TENM4: variants seen among roughly 807,000 people sequenced by gnomAD.
TENM4 encodes the protein teneurin transmembrane protein 4.
TENM4 carries 82 observed loss-of-function variants against 243.3 expected under a neutral mutation model. The ratio of observed to expected loss-of-function variants is 0.34; its 90% CI spans 0.28 to 0.40. The LOEUF (loss-of-function observed/expected upper bound fraction) is 0.40, where lower values mean the gene tolerates loss of function less well. TENM4 is among the 10% of genes least tolerant of loss of function. The probability of loss-of-function intolerance (pLI) is 1.00; values close to 1 mark genes in which losing one functional copy is unlikely to be tolerated. For missense variants in TENM4, 3,138 were observed against 3,673.3 expected, an observed-to-expected ratio of 0.85 and a Z score of 3.77; for synonymous variants, 1,412 against 1,456.3, an observed-to-expected ratio of 0.97 and a Z score of 0.69.
chr11:78,770,555 C>A (rs1856625469), intron 18 of TENM4, among the ~76,000 whole-genome samples: 2 of 152,220 alleles, frequency 1.3e-5, no homozygotes, highest in Non-Finnish European at 2.9e-5. Context: ...CCTCCAGAAT[C>A]AGAGGAGAAG....
intron 2 of TENM4, among the ~76,000 whole-genome samples, chr11:79,294,446 G>A (rs1288551816): frequency 2.0e-5 from 3 of 152,190 alleles, no homozygotes; most frequent in East Asian, 3.8e-4. Flanking sequence ...AATGCAGGCT[G>A]GTTTTTAGCC....
chr11:79,116,074 C>T (rs1444084159), intron 4 of TENM4, among the ~76,000 whole-genome samples: 1 of 152,186 alleles, frequency 6.6e-6, no homozygotes, highest in Non-Finnish European at 1.5e-5. Context: ...TCCTGTGAGA[C>T]TGAAGCACAA....
rs1349031303 is a variant in TENM4 at position 79,098,216 on chromosome 11, CCCCCA to C, written c.-65-28212_-65-28208del. Among the ~76,000 whole-genome samples the C allele has an allele frequency of 3.1e-3, 324 of 102,910 alleles. 1 individual carries two copies. The highest frequency in any genetic ancestry group is 0.013 in the African/African-American group (305 of 23,410). 67.5% of individuals were successfully genotyped at this position (102,910 alleles called of 152,430 possible). ...CCCTGCATGCGGGTCTCTTGTGTCT[CCCCCA>C]CCCCCCCCCATCTCCCAGCTCAGTG... is the stretch of plus-strand genomic sequence containing the variant. On this transcript the variant is annotated intron_variant, in intron 4 of 33. Coordinates refer to ENST00000278550, the MANE Select transcript of TENM4 (RefSeq NM_001098816.3).
At chr11:78,891,674 T>C (rs1323037539) in intron 7 of TENM4, among the ~76,000 whole-genome samples, 1 of 152,190 alleles carries the variant, frequency 6.6e-6, no homozygotes, top group Non-Finnish European at 1.5e-5. Context: ...AGGAAGGCAA[T>C]GTAATCCTCA....
chr11:79,271,155 C>T (rs144446010), intron 2 of TENM4, among the ~76,000 whole-genome samples: 3 of 152,140 alleles, frequency 2.0e-5, no homozygotes, highest in African/African-American at 7.2e-5. Flanking sequence ...CCTTTCTGAC[C>T]CCAGTGAAGA....
chr11:79,342,351 C>T (rs568380071), intron 1 of TENM4, among the ~76,000 whole-genome samples: 7 of 152,148 alleles, frequency 4.6e-5, no homozygotes, highest in South Asian at 2.1e-4. Context: ...AGCAGAGGCA[C>T]GGAAGAGATA....
intron 3 of TENM4, among the ~76,000 whole-genome samples, chr11:79,177,318 C>T (rs1181998796): frequency 1.3e-5 from 2 of 152,084 alleles, no homozygotes; most frequent in Non-Finnish European, 2.9e-5. Flanking sequence ...GACTGGGTCT[C>T]TTTTCTCTTT....
rs545237875 is a variant in TENM4, at chr11:78,804,878, T to C, written c.2179+414A>G. Among the ~76,000 whole-genome samples, 9 of 152,284 alleles carry C rather than the reference T, an allele frequency of 5.9e-5. No homozygotes were observed. In the South Asian group the frequency reaches 1.9e-3, roughly 32 times the overall value. On this transcript the variant is annotated intron_variant, in intron 15 of 33. Transcript: ENST00000278550. ...ACTACACTGAGTTTGGACTTCATTC[T>C]GAGAAATGGGTGAAACTGAAGGGTT...
chr11:78,965,701 A>G (rs1421885286), intron 6 of TENM4, among the ~76,000 whole-genome samples: 1 of 152,164 alleles, frequency 6.6e-6, no homozygotes, highest in African/African-American at 2.4e-5. Flanking sequence ...TCTTTCTCCT[A>G]CGCATTCCCT....
chr11:78,824,237 A>G (rs1282725103), intron 12 of TENM4, among the ~76,000 whole-genome samples: 1 of 152,218 alleles, frequency 6.6e-6, no homozygotes, highest in Non-Finnish European at 1.5e-5. Context: ...CAGGCTGTAC[A>G]GGAAGCATAA....
chr11:79,417,002 C>T (rs1858829457), intron 1 of TENM4, among the ~76,000 whole-genome samples: 2 of 152,180 alleles, frequency 1.3e-5, no homozygotes, highest in African/African-American at 4.8e-5. Flanking sequence ...TATACTGTGG[C>T]TGAGGTCCTG....
chr11:79,051,335 T>C (rs1859785950), intron 6 of TENM4, among the ~76,000 whole-genome samples: 1 of 152,142 alleles, frequency 6.6e-6, no homozygotes. Flanking sequence ...TAACACAAGG[T>C]AACACAGCTA....
intron 1 of TENM4, among the ~76,000 whole-genome samples, chr11:79,301,671 T>A (rs1402005688): frequency 6.6e-6 from 1 of 152,186 alleles, no homozygotes; most frequent in Non-Finnish European, 1.5e-5. Context: ...TAATCCCCAA[T>A]GCCACAGGCG....
intron 4 of TENM4, among the ~76,000 whole-genome samples, chr11:79,079,149 A>G (rs1860602965): frequency 6.6e-6 from 1 of 152,164 alleles, no homozygotes; most frequent in Admixed American, 6.5e-5. Flanking sequence ...AGCGTGGTGG[A>G]GTGTGGCTGT....
In TENM4 at chr11:78,903,269, T is replaced by C; in HGVS notation, c.748A>G (p.Arg250Gly). 6.7e-7 allele frequency: 1 copy of C among 1,490,404 alleles called. No individual in the cohort carries two copies. Among genetic ancestry groups the C allele is most frequent in the Non-Finnish European group, 8.9e-7 (1 of 1,125,348 alleles). 92.3% of individuals were successfully genotyped at this position (1,490,404 alleles called of 1,614,324 possible). ...TCACCCTCCCTACCGGCCGCGCACC[T>C]GGTCTCCAGGGGGATGTTGCTGTTG... is the stretch of plus-strand genomic sequence containing the variant. Reference protein sequence around the residue: ...LLNSNIPLETRNLGKQPFLGT... With the variant: ...LLNSNIPLETGNLGKQPFLGT... Residue 250 changes from arginine to glycine, a missense_variant and splice_region_variant, in exon 7 of 34, where the codon AGA becomes GGA. Physicochemically the swap from Arg to Gly is moderately radical, Grantham distance 125 (BLOSUM62 -2). This residue lies in a region of TENM4 where 671 missense variants were observed against 614.1 expected (regional missense o/e 1.09). Coordinates refer to ENST00000278550, the MANE Select transcript of TENM4 (RefSeq NM_001098816.3).
chr11:78,736,637 A>G (rs1052087515), intron 20 of TENM4, among the ~76,000 whole-genome samples: 1 of 152,142 alleles, frequency 6.6e-6, no homozygotes, highest in East Asian at 1.9e-4. Context: ...GTTTTTCGTA[A>G]GGTACGGGAG....
chr11:78,744,540 T>C (rs763749858), intron 19 of TENM4, among the ~76,000 whole-genome samples: 2 of 152,192 alleles, frequency 1.3e-5, no homozygotes, highest in African/African-American at 4.8e-5. Context: ...GGAGAGTCAC[T>C]CCACCTCTTA....
chr11:78,922,542 GAC>G (rs1267104805), intron 6 of TENM4, among the ~76,000 whole-genome samples: 2 of 152,206 alleles, frequency 1.3e-5, no homozygotes, highest in Non-Finnish European at 2.9e-5. Flanking sequence ...AGATTGGACT[GAC>G]ACAGACACAA....
At chr11:78,688,007 C>T (rs1478219812) in intron 29 of TENM4, 47 bp downstream of exon 29, 1 of 1,592,584 alleles carries the variant, frequency 6.3e-7, no homozygotes, top group Non-Finnish European at 8.6e-7. Flanking sequence ...CCAAAGGGGT[C>T]TTCCCACCCC....
Sources: allele counts gnomAD v4.1 joint callset (sites outside exome capture counted in the v4.1 genomes callset), GRCh38; gene constraint gnomAD v4.1.1; regional missense constraint gnomAD v4.1.1; transcripts MANE v1.5; gene names NCBI Gene and HGNC (gene_info 2026-07-23, HGNC 2026-07-21).